The following XKR9 variants were observed in gnomAD, a reference collection of about 807,000 sequenced individuals.
XKR9 encodes XK related 9, also known as XK-related protein 9.
Under a neutral mutation model 32.0 loss-of-function variants are expected in XKR9, and 32 were observed. The observed-to-expected ratio is 1.00, with a 90% confidence interval of 0.76 to 1.34. The LOEUF (loss-of-function observed/expected upper bound fraction) is 1.34. Ranked by LOEUF, XKR9 falls within the 40% of genes most tolerant of loss-of-function variation. XKR9 has a pLI of 0.00. For missense variants in XKR9, 546 were observed against 429.7 expected, an observed-to-expected ratio of 1.27 and a Z score of -2.39; for synonymous variants, 168 against 143.4, an observed-to-expected ratio of 1.17 and a Z score of -1.22.
chr8:70,736,276 G>A (rs1200380975), downstream of XKR9, among the ~76,000 whole-genome samples: 2 of 151,994 alleles, frequency 1.3e-5, no homozygotes, highest in Non-Finnish European at 2.9e-5. Flanking sequence ...CTTTTGAGAA[G>A]TGTCTGTTCA....
chr8:70,921,147 A>C, the XKR9 span, among the ~76,000 whole-genome samples: 1 of 152,242 alleles, frequency 6.6e-6, no homozygotes, highest in Non-Finnish European at 1.5e-5. Context: ...ATGCATATGA[A>C]AATGGAAGGA....
At chr8:70,986,823 T>C in the XKR9 span, among the ~76,000 whole-genome samples, 2 of 152,344 alleles carry the variant, frequency 1.3e-5, no homozygotes, top group East Asian at 3.9e-4. Flanking sequence ...ACACTGTTGA[T>C]AAAGACATAC....
chr8:70,882,236 T>G, the XKR9 span, among the ~76,000 whole-genome samples: 4 of 152,068 alleles, frequency 2.6e-5, no homozygotes, highest in Non-Finnish European at 5.9e-5. Context: ...ATTGTGCACA[T>G]GTACCCTAGA....
chr8:71,034,334 T>C, the XKR9 span, among the ~76,000 whole-genome samples: 3 of 152,142 alleles, frequency 2.0e-5, no homozygotes, highest in African/African-American at 4.8e-5. Flanking sequence ...CCTACCCCCA[T>C]GTAAAGAAAG....
chr8:70,768,861 C>T lies in XKR9; in HGVS notation n.353-20478C>T, dbSNP rs183885967. The stretch of plus-strand genomic sequence containing the variant: ...GATGGGTCTCCTGAATACAGCACAC[C>T]GATGGGTCTTGACTCTATCCATTTT... On this transcript the variant is annotated intron_variant and non_coding_transcript_variant, in intron 2 of 3. Transcript: ENST00000520273. 3.4e-3 allele frequency among the ~76,000 whole-genome samples: 516 copies of T among 152,000 alleles called. 14 individuals are homozygous for T. Among genetic ancestry groups the T allele is most frequent in the African/African-American group, 4.1e-4 (17 of 41,460 alleles).
the XKR9 span, among the ~76,000 whole-genome samples, chr8:70,900,830 C>A: frequency 2.6e-5 from 4 of 152,020 alleles, no homozygotes; most frequent in Non-Finnish European, 5.9e-5. Flanking sequence ...CCACTACAGG[C>A]CCTGGTGTGT....
the XKR9 span, among the ~76,000 whole-genome samples, chr8:70,930,237 T>C: frequency 2.0e-3 from 300 of 152,258 alleles, 2 homozygotes; most frequent in African/African-American, 7.0e-3. Context: ...AGCTTAGCTT[T>C]TAATGCTCTG....
chr8:70,774,427 G>A (rs1807493304), intron 2 of XKR9, among the ~76,000 whole-genome samples: 1 of 152,118 alleles, frequency 6.6e-6, no homozygotes, highest in African/African-American at 2.4e-5. Context: ...ACAGGGACTA[G>A]CCACTGCACC....
chr8:70,913,113 G>C, the XKR9 span, among the ~76,000 whole-genome samples: 1 of 152,146 alleles, frequency 6.6e-6, no homozygotes, highest in African/African-American at 2.4e-5. Context: ...GTTAAGGTAT[G>C]TGTGAAAAAT....
the XKR9 span, among the ~76,000 whole-genome samples, chr8:70,865,962 T>A: frequency 6.6e-6 from 1 of 152,110 alleles, no homozygotes; most frequent in Non-Finnish European, 1.5e-5. Flanking sequence ...AGTATTGAGG[T>A]TGTCCTCAAA....
chr8:70,677,318 G>A (rs1459434116), intron 2 of XKR9, among the ~76,000 whole-genome samples: 2 of 150,926 alleles, frequency 1.3e-5, no homozygotes, highest in East Asian at 1.9e-4. Context: ...GCTAATTTTT[G>A]TATTTTTTTT....
intron 2 of XKR9, among the ~76,000 whole-genome samples, chr8:70,677,319 TA>T (rs1199898516): frequency 1.3e-5 from 2 of 151,952 alleles, no homozygotes; most frequent in African/African-American, 4.8e-5. Flanking sequence ...CTAATTTTTG[TA>T]TTTTTTTTGT....
the XKR9 span, among the ~76,000 whole-genome samples, chr8:70,912,784 G>A: frequency 6.6e-6 from 1 of 152,066 alleles, no homozygotes; most frequent in African/African-American, 2.4e-5. Flanking sequence ...TGCAAAAAGA[G>A]AAACCAAGAA....
downstream of XKR9, among the ~76,000 whole-genome samples, chr8:70,738,671 C>G (rs1175914419): frequency 1.4e-4 from 21 of 152,040 alleles, no homozygotes; most frequent in Admixed American, 1.2e-3. Flanking sequence ...TATGTTGTGT[C>G]TTTGTTCTCG....
chr8:70,801,915 T>C, the XKR9 span, among the ~76,000 whole-genome samples: 1 of 152,110 alleles, frequency 6.6e-6, no homozygotes, highest in South Asian at 2.1e-4. Flanking sequence ...CATTGTGTAA[T>C]GCTCTTCTTT....
the XKR9 span, among the ~76,000 whole-genome samples, chr8:70,965,840 A>G: frequency 2.1e-4 from 32 of 151,188 alleles, no homozygotes; most frequent in African/African-American, 7.0e-4. Flanking sequence ...TCTTCTCTCT[A>G]TCTCCTTCAG....
chr8:70,884,625 C>T, the XKR9 span, among the ~76,000 whole-genome samples: 1 of 152,028 alleles, frequency 6.6e-6, no homozygotes, highest in Non-Finnish European at 1.5e-5. Context: ...TGTTCTAGAA[C>T]CACTTGTTGA....
At chr8:70,845,471 G>T in the XKR9 span, among the ~76,000 whole-genome samples, 827 of 152,214 alleles carry the variant, frequency 5.4e-3, 12 homozygotes, top group African/African-American at 0.019. Flanking sequence ...TGTGGAAAAA[G>T]AATTCAAGTA....
the XKR9 span, among the ~76,000 whole-genome samples, chr8:70,865,698 A>G: frequency 5.4e-3 from 825 of 152,280 alleles, 11 homozygotes; most frequent in African/African-American, 0.019. Flanking sequence ...TGGCTGGAGT[A>G]CTTCCATGCT....
Sources: gnomAD v4.1 joint callset for allele counts (sites outside exome capture counted in the v4.1 genomes callset) on GRCh38, gnomAD v4.1.1 for gene constraint, MANE v1.5 for transcripts, NCBI Gene and HGNC (gene_info 2026-07-23, HGNC 2026-07-21) for gene names.